PHACTR3: variants seen among roughly 807,000 people sequenced by gnomAD.
The protein encoded by PHACTR3 is phosphatase and actin regulator 3, also known as protein phosphatase 1, regulatory subunit 123.
Under a neutral mutation model 66.8 loss-of-function variants are expected in PHACTR3, and 16 were observed. The observed-to-expected ratio is 0.24, with a 90% CI of 0.16 to 0.36. PHACTR3 has a LOEUF of 0.36. PHACTR3 is among the 10% of genes least tolerant of loss of function. The pLI is 1.00. For synonymous variants in PHACTR3, 323 were observed against 292.1 expected (o/e 1.11, Z -1.08); for missense variants, 647 against 719.9 (o/e 0.90, Z 1.16).
At chr20:59,745,874 TC>T (rs1439145609) in intron 2 of PHACTR3, among the ~76,000 whole-genome samples, 2 of 152,144 alleles carry the variant, frequency 1.3e-5, no homozygotes, top group Non-Finnish European at 2.9e-5. Flanking sequence ...CGCAGCTGCA[TC>T]TTTGGGTCAT....
At chr20:59,652,758 G>A (rs909151056) in intron 1 of PHACTR3, among the ~76,000 whole-genome samples, 8 of 151,694 alleles carry the variant, frequency 5.3e-5, no homozygotes, top group South Asian at 2.1e-4. Context: ...TTGTAGACAC[G>A]TCCACAATCC....
At chr20:59,725,910 C>T (rs1040694849) in intron 1 of PHACTR3, among the ~76,000 whole-genome samples, 6 of 152,178 alleles carry the variant, frequency 3.9e-5, no homozygotes, top group African/African-American at 1.4e-4. Context: ...GGAGGCTCCA[C>T]AGCCTTGGAC....
intron 1 of PHACTR3, among the ~76,000 whole-genome samples, chr20:59,709,207 C>A (rs1351424176): frequency 6.6e-6 from 1 of 152,118 alleles, no homozygotes; most frequent in African/African-American, 2.4e-5. Context: ...TTTTTGGTCC[C>A]AGTTGGCTTC....
intron 1 of PHACTR3, among the ~76,000 whole-genome samples, chr20:59,598,539 A>AT (rs1425152370): frequency 2.6e-5 from 4 of 151,930 alleles, no homozygotes; most frequent in Non-Finnish European, 5.9e-5. Flanking sequence ...CCCACACCAC[A>AT]TTTTTTCAGG....
rs977417600 is a variant in PHACTR3 at position 59,829,574 on chromosome 20, A to G, written c.1329-6931A>G. On this transcript the variant is annotated intron_variant, in intron 8 of 12. Transcript: ENST00000371015. The surrounding 1 kb of genome is among the most constrained non-coding windows in gnomAD (Gnocchi z 4.2). ...CCATCAGATGTCTGAGGATGCATCAATGCGTCGTGTGAATGGTGTGTGGAG... is the reference window on the plus strand; with the variant it reads ...CCATCAGATGTCTGAGGATGCATCAGTGCGTCGTGTGAATGGTGTGTGGAG... Among the ~76,000 whole-genome samples, 6 of 152,216 alleles carry G rather than the reference A, an allele frequency of 3.9e-5. No individual in the cohort carries two copies. The highest frequency in any genetic ancestry group is 2.1e-4 in the South Asian group (1 of 4,832).
At chr20:59,602,497 A>C (rs918762411), upstream of PHACTR3, among the ~76,000 whole-genome samples, 9 of 151,832 alleles carry the variant, frequency 5.9e-5, no homozygotes, top group Admixed American at 1.3e-4. Flanking sequence ...AAGTGCAAAG[A>C]GTTGATTTAA....
intron 1 of PHACTR3, among the ~76,000 whole-genome samples, chr20:59,723,912 C>T (rs1383578907): frequency 1.3e-5 from 2 of 152,056 alleles, no homozygotes; most frequent in African/African-American, 4.8e-5. Context: ...TGTATGGTGA[C>T]TCGATGTTGA....
intron 7 of PHACTR3, among the ~76,000 whole-genome samples, chr20:59,790,029 A>T (rs1211338246): frequency 6.6e-6 from 1 of 152,244 alleles, no homozygotes; most frequent in Non-Finnish European, 1.5e-5. Flanking sequence ...ATGCAGGCTA[A>T]TTGAGAAAAA....
chr20:59,712,021 A>G (rs189482514), intron 1 of PHACTR3, among the ~76,000 whole-genome samples: 76 of 152,152 alleles, frequency 5.0e-4, no homozygotes, highest in African/African-American at 1.8e-3. Flanking sequence ...TCCAGAGTTC[A>G]TTATTTTACT....
At chr20:59,711,735 C>T (rs6064828) in intron 1 of PHACTR3, among the ~76,000 whole-genome samples, 7,769 of 152,188 alleles carry the variant, frequency 0.051, 262 homozygotes, top group Non-Finnish European at 0.079. Context: ...GTCAAAATTG[C>T]AATGGTTTCA....
At chr20:59,686,702 T>A (rs2036884255) in intron 1 of PHACTR3, among the ~76,000 whole-genome samples, 1 of 150,094 alleles carries the variant, frequency 6.7e-6, no homozygotes, top group Non-Finnish European at 1.5e-5. Context: ...ATGATTGTGA[T>A]GATGGTGGTG....
intron 1 of PHACTR3, among the ~76,000 whole-genome samples, chr20:59,707,336 A>G (rs1484432123): frequency 1.3e-5 from 2 of 152,034 alleles, no homozygotes; most frequent in African/African-American, 2.4e-5. Context: ...TTGATTTGTG[A>G]TCCCCAGTGT....
chr20:59,734,884 C>A (rs1359605717), intron 1 of PHACTR3, among the ~76,000 whole-genome samples: 2 of 152,088 alleles, frequency 1.3e-5, no homozygotes, highest in East Asian at 3.9e-4. Flanking sequence ...CCCCTAGCTT[C>A]TAGTAGCCTT....
At chr20:59,732,992 G>GA (rs1021079578) in intron 1 of PHACTR3, among the ~76,000 whole-genome samples, 3 of 151,048 alleles carry the variant, frequency 2.0e-5, no homozygotes, top group Admixed American at 6.6e-5. Context: ...CAGGGCTGTA[G>GA]AAAAAAGCCT....
At chr20:59,841,050 T>A (rs1384730044) in intron 10 of PHACTR3, among the ~76,000 whole-genome samples, 1 of 152,228 alleles carries the variant, frequency 6.6e-6, no homozygotes, top group African/African-American at 2.4e-5. Flanking sequence ...GGACATATAA[T>A]AACTTTATTA....
At chr20:59,782,399 A>G (rs890091676) in intron 7 of PHACTR3, among the ~76,000 whole-genome samples, 3 of 152,104 alleles carry the variant, frequency 2.0e-5, no homozygotes, top group Non-Finnish European at 4.4e-5. Flanking sequence ...TTACAGGTGC[A>G]TACCACCATG....
chr20:59,630,669 C>T (rs1295568208), intron 1 of PHACTR3, among the ~76,000 whole-genome samples: 2 of 152,148 alleles, frequency 1.3e-5, no homozygotes, highest in East Asian at 3.8e-4. Flanking sequence ...TACCCAGCAC[C>T]ATCTAGAGGA....
chr20:59,838,895 T>G (rs1275774189), intron 9 of PHACTR3, among the ~76,000 whole-genome samples: 1 of 152,148 alleles, frequency 6.6e-6, no homozygotes, highest in Non-Finnish European at 1.5e-5. Context: ...GTCTGTGGGC[T>G]TAGGCTAACA....
chr20:59,619,715 T>C (rs2034166840), intron 1 of PHACTR3, among the ~76,000 whole-genome samples: 1 of 152,210 alleles, frequency 6.6e-6, no homozygotes, highest in South Asian at 2.1e-4. Flanking sequence ...TTTTGTGTTA[T>C]GCAGCAATAG....
Sources: gnomAD v4.1 joint callset for allele counts (sites outside exome capture counted in the v4.1 genomes callset) on GRCh38, gnomAD v4.1.1 for gene constraint, Gnocchi (gnomAD v3.1) non-coding constraint, MANE v1.5 for transcripts, NCBI Gene and HGNC (gene_info 2026-07-23, HGNC 2026-07-21) for gene names.